The following SART3 variants were observed in gnomAD, a reference collection of about 807,000 sequenced individuals.
SART3 encodes spliceosome associated factor 3, U4/U6 recycling protein, also known as HIV-1 Tat-interacting protein of 110kDa.
A neutral mutation model predicts 122.3 loss-of-function variants in SART3; 44 were observed. That is an observed-to-expected ratio of 0.36 (90% CI 0.28 to 0.46). The LOEUF (loss-of-function observed/expected upper bound fraction) is 0.46, where lower values mean the gene tolerates loss of function less well. Among genes scored for constraint, SART3 ranks in the 20% least tolerant of loss-of-function variants. The pLI is 1.00. For synonymous variants in SART3, 442 were observed against 454.0 expected (o/e 0.97, Z 0.34); for missense variants, 1,101 against 1,229.0 (o/e 0.90, Z 1.56).
At chr12:108,541,684 G>T (rs12367378) in intron 6 of SART3, among the ~76,000 whole-genome samples, 1 of 151,234 alleles carries the variant, frequency 6.6e-6, no homozygotes, top group Non-Finnish European at 1.5e-5. Context: ...GATTACAGGC[G>T]CCCGCCACCA....
rs752899761 is a variant in SART3 at position 108,560,974 on chromosome 12, C to T, written c.181G>A (p.Gly61Ser). The change falls in exon 1 of 19, where the codon GGC becomes AGC. Residue 61 changes from glycine to serine, a missense_variant. Coordinates refer to ENST00000546815, the MANE Select transcript of SART3 (RefSeq NM_014706.4). ...MGPAWDQQEEGVSESDGDEYA... is the reference protein window; with the variant it reads ...MGPAWDQQEESVSESDGDEYA... Reference sequence around the variant, plus strand: ...TCATCCCCATCGCTCTCGCTCACGCCTTCCTCCTGCTGATCCCACGCTGGC... The same window carrying T: ...TCATCCCCATCGCTCTCGCTCACGCTTTCCTCCTGCTGATCCCACGCTGGC... 2 of 1,614,160 alleles carry T rather than the reference C, an allele frequency of 1.2e-6. No homozygotes were observed. Among genetic ancestry groups the T allele is most frequent in the East Asian group, 2.2e-5 (1 of 44,876 alleles).
At chr12:108,523,767 C>A in intron 18 of SART3, 133 bp from the exon 19 acceptor site, 2 of 834,808 alleles carry the variant, frequency 2.4e-6, no homozygotes, top group Non-Finnish European at 3.9e-6. Context: ...ATAAGATAAT[C>A]CCTGCCTCCT....
chr12:108,538,041 G>C (rs1458599393), intron 8 of SART3, 24 bp downstream of exon 8: 1 of 1,613,814 alleles, frequency 6.2e-7, no homozygotes, highest in Non-Finnish European at 8.5e-7. Context: ...TAGCTTAGAA[G>C]TTCTCCCACA....
chr12:108,528,670 C>T (rs1872512480), intron 15 of SART3, among the ~76,000 whole-genome samples: 1 of 152,026 alleles, frequency 6.6e-6, no homozygotes, highest in Admixed American at 6.6e-5. Flanking sequence ...CCATGCAGGG[C>T]CGTGCCTGGC....
rs1873494169 is a variant in SART3 at position 108,547,746 on chromosome 12, A to G, written c.544+141T>C. On this transcript the variant is annotated intron_variant, in intron 3 of 18. Transcript: ENST00000546815. The stretch of plus-strand genomic sequence containing the variant: ...TCAATTAAAGACCAAAGACAATGAT[A>G]AGACAACTCAACTTAAATCTTGCTA... The G allele has an allele frequency of 7.4e-6, 5 of 674,678 alleles. No homozygotes were observed. In the South Asian group the frequency reaches 8.0e-5, roughly 11 times the overall value. The allele number at this position is 674,678 out of a possible 1,614,324, so 41.8% of individuals were successfully genotyped here.
At position 108,536,543 on chromosome 12, in the gene SART3, C is replaced by A. The variant is rs138907360; in HGVS notation, c.1417G>T (p.Val473Leu). 6.8e-6 allele frequency: 11 copies of A among 1,614,000 alleles called. No individual in the cohort carries two copies. The African/African-American group carries it at 1.2e-4, about 18-fold the overall frequency. Residue 473 changes from valine to leucine, a missense_variant, in exon 11 of 19, where the codon GTG becomes TTG. By Grantham distance (32) the Val-to-Leu change is conservative (BLOSUM62 1). Coordinates refer to ENST00000546815, the MANE Select transcript of SART3 (RefSeq NM_014706.4). ...RFNESGDPSC[V>L]IMQNWARIEA... ...ATCCTAGCCCAGTTCTGCATAATCACGCAGCTTGGATCACCACTCTCATTG... is the reference window on the plus strand; with the variant it reads ...ATCCTAGCCCAGTTCTGCATAATCAAGCAGCTTGGATCACCACTCTCATTG...
intron 6 of SART3, 88 bp from the exon 7 acceptor site, chr12:108,539,177 T>C (rs1873048469): frequency 7.3e-7 from 1 of 1,378,626 alleles, no homozygotes; most frequent in Non-Finnish European, 1.0e-6. Context: ...CAAAACTGGC[T>C]ACAGTAACTA....
In SART3 at chr12:108,523,748, A is replaced by AG. The variant is rs1872239638; in HGVS notation, c.2715-115_2715-114insC. On this transcript the variant is annotated intron_variant, in intron 18 of 18. Transcript: ENST00000546815. ...ATAACCAGAAGTTAAAAGGTGAAAAAAAAAAAGGATAAGATAATCCCTGCC... is the reference window on the plus strand; with the variant it reads ...ATAACCAGAAGTTAAAAGGTGAAAAAGAAAAAAGGATAAGATAATCCCTGCC... 3 of 967,486 alleles carry AG rather than the reference A, an allele frequency of 3.1e-6. No homozygotes were observed. The Admixed American group carries it at 6.0e-5, about 19-fold the overall frequency. The allele number at this position is 967,486 out of a possible 1,614,324, so 59.9% of individuals were successfully genotyped here. A position where few individuals can be genotyped will look rare whatever the true frequency, so the allele number is the denominator to read the frequency against.
chr12:108,525,698 A>T, intron 16 of SART3, 89 bp from the exon 17 acceptor site: 1 of 1,367,712 alleles, frequency 7.3e-7, no homozygotes, highest in Non-Finnish European at 1.0e-6. Context: ...TGTCCCCATG[A>T]GCAGCCCAGC....
chr12:108,540,411 G>T (rs1001460830), intron 6 of SART3, among the ~76,000 whole-genome samples: 1 of 152,098 alleles, frequency 6.6e-6, no homozygotes, highest in Non-Finnish European at 1.5e-5. Context: ...CCTTGCAGGG[G>T]ACTCTAAAGG....
rs971950871 is a variant in SART3, at chr12:108,525,590, G to C, written c.2390C>G (p.Ser797Cys). Reference protein sequence around the residue: ...PDFKVFRYSTSLEKHKLFISG... With the variant: ...PDFKVFRYSTCLEKHKLFISG... The stretch of plus-strand genomic sequence containing the variant: ...GATGAACAGCTTGTGTTTCTCTAGG[G>C]AAGTGCTGTACCTGAACACCTATAG... The change falls in exon 17 of 19, where the codon TCC becomes TGC. Residue 797 changes from serine (S) to cysteine (C), a missense_variant. By Grantham distance (112) the Ser-to-Cys change is moderately radical. Around this residue, in one of 2 missense-constraint regions of SART3, gnomAD observed 885 missense variants for 1,080.1 expected, o/e 0.82. Coordinates refer to ENST00000546815, the MANE Select transcript of SART3 (RefSeq NM_014706.4). The C allele has an allele frequency of 1.2e-6, 2 of 1,614,000 alleles. No individual in the cohort carries two copies. The highest frequency in any genetic ancestry group is 3.3e-5 in the Admixed American group (2 of 59,990).
intron 4 of SART3, 133 bp from the exon 5 acceptor site, chr12:108,544,611 G>T: frequency 7.9e-7 from 1 of 1,262,626 alleles, no homozygotes; most frequent in Non-Finnish European, 1.1e-6. Flanking sequence ...CTGTCACCCT[G>T]GCTGGAGTGT....
In SART3 at chr12:108,526,566, A is replaced by C; in HGVS notation, c.1916-13T>G. ...TTGGAAGGCTGCTCTACAGGTTTTC[A>C]AAAGAAAAGTAGCCATGGTTAACTG... is the stretch of plus-strand genomic sequence containing the variant. On this transcript the variant is annotated splice_polypyrimidine_tract_variant and intron_variant, in intron 15 of 18. Coordinates refer to ENST00000546815, the MANE Select transcript of SART3 (RefSeq NM_014706.4). 6.2e-7 allele frequency: 1 copy of C among 1,612,868 alleles called. No homozygotes were observed. The highest frequency in any genetic ancestry group is 8.5e-7 in the Non-Finnish European group (1 of 1,179,944).
In SART3 at chr12:108,544,816, C is replaced by T. The variant is rs1027948533; in HGVS notation, c.729+323G>A. On this transcript the variant is annotated intron_variant, in intron 4 of 18. Coordinates refer to ENST00000546815, the MANE Select transcript of SART3 (RefSeq NM_014706.4). ...CTGAACTCAAGTGATCCTCTGGCCTCAGCCTCCCAAACTGCTGGAATTACA... is the reference window on the plus strand; with the variant it reads ...CTGAACTCAAGTGATCCTCTGGCCTTAGCCTCCCAAACTGCTGGAATTACA... The T allele has an allele frequency of 2.6e-5, 15 of 568,902 alleles. No individual in the cohort carries two copies. In the Admixed American group the frequency reaches 4.6e-4, roughly 17 times the overall value. 35.2% of individuals were successfully genotyped at this position (568,902 alleles called of 1,614,324 possible).
chr12:108,550,229 AG>A (rs1323018953), intron 1 of SART3, among the ~76,000 whole-genome samples: 1 of 152,216 alleles, frequency 6.6e-6, no homozygotes, highest in Admixed American at 6.5e-5. Context: ...GAATAGCTAA[AG>A]GAAGTTCTTC....
chr12:108,540,985 T>C (rs1168375787), intron 6 of SART3, among the ~76,000 whole-genome samples: 1 of 152,064 alleles, frequency 6.6e-6, no homozygotes, highest in Admixed American at 6.6e-5. Context: ...TATAAAACTT[T>C]TAGAAGAAAT....
At chr12:108,555,818 C>T (rs1231180167) in intron 1 of SART3, among the ~76,000 whole-genome samples, 1 of 152,080 alleles carries the variant, frequency 6.6e-6, no homozygotes, top group Non-Finnish European at 1.5e-5. Context: ...TTTTCACAGA[C>T]CTTGACAAAA....
chr12:108,549,255 A>G, intron 1 of SART3, 41 bp from the exon 2 acceptor site: 1 of 1,608,558 alleles, frequency 6.2e-7, no homozygotes, highest in South Asian at 1.1e-5. Flanking sequence ...AAACACCGTC[A>G]TCAAGTAACT....
At chr12:108,553,433 A>C (rs2030086705) in intron 1 of SART3, among the ~76,000 whole-genome samples, 1 of 152,236 alleles carries the variant, frequency 6.6e-6, no homozygotes, top group Non-Finnish European at 1.5e-5. Context: ...CAATTATCTC[A>C]AAATAAAAAG....
Sources: allele counts gnomAD v4.1 joint callset (sites outside exome capture counted in the v4.1 genomes callset), GRCh38; gene constraint gnomAD v4.1.1; regional missense constraint gnomAD v4.1.1; transcripts MANE v1.5; gene names NCBI Gene and HGNC (gene_info 2026-07-23, HGNC 2026-07-21).